Variants in USH2A observed in about 807,000 individuals in gnomAD.
The protein encoded by USH2A is usherin.
USH2A carries 443 observed loss-of-function variants against 538.9 expected under a neutral mutation model. The ratio of observed to expected loss-of-function variants is 0.82; its 90% confidence interval spans 0.76 to 0.89. USH2A has a LOEUF of 0.89. Among genes scored for constraint, USH2A ranks in the 40% least tolerant of loss-of-function variants. The pLI is 0.00. For missense variants in USH2A, 6,633 were observed against 6,324.8 expected (o/e 1.05, Z -1.65); for synonymous variants, 2,413 against 2,273.5 (o/e 1.06, Z -1.75).
At chr1:216,398,790 A>G (rs1236189469) in intron 3 of USH2A, among the ~76,000 whole-genome samples, 1 of 152,182 alleles carries the variant, frequency 6.6e-6, no homozygotes, top group Non-Finnish European at 1.5e-5. Flanking sequence ...CCAATAAACC[A>G]AACAGAGAGC....
At position 215,650,631 on chromosome 1, in the gene USH2A, G is replaced by T; in HGVS notation, c.14304C>A (p.Tyr4768Ter). Reference protein sequence around the residue: ...PGKPNGIVSLYRLFSSSAHGA... With the variant: ...PGKPNGIVSL ...CATGGGCGCTGCTGGAGAACAGCCTGTAGAGACTGACGATCCCGTTGGGCT... is the reference window on the plus strand; with the variant it reads ...CATGGGCGCTGCTGGAGAACAGCCTTTAGAGACTGACGATCCCGTTGGGCT... The change falls in exon 65 of 72, where the codon TAC becomes TAA. Residue 4768 changes from tyrosine (Y) to a stop codon, truncating the protein, a stop_gained. Transcript: ENST00000307340. LOFTEE classifies it high-confidence loss of function. 6.2e-7 allele frequency: 1 copy of T among 1,614,188 alleles called. No homozygotes were observed. The highest frequency in any genetic ancestry group is 1.3e-5 in the African/African-American group (1 of 75,052).
chr1:216,358,481 A>C (rs2102700194), intron 4 of USH2A, among the ~76,000 whole-genome samples: 1 of 152,268 alleles, frequency 6.6e-6, no homozygotes, highest in South Asian at 2.1e-4. Flanking sequence ...TTTTGATTAA[A>C]AAAAGGAGCA....
At chr1:215,904,203 A>G (rs1305706355) in intron 38 of USH2A, among the ~76,000 whole-genome samples, 2 of 152,096 alleles carry the variant, frequency 1.3e-5, no homozygotes, top group African/African-American at 4.8e-5. Flanking sequence ...ATTAGCCCTG[A>G]AAAAATTAGT....
intron 9 of USH2A, among the ~76,000 whole-genome samples, chr1:216,295,214 T>C (rs1301453589): frequency 1.3e-5 from 2 of 151,742 alleles, no homozygotes; most frequent in African/African-American, 4.8e-5. Context: ...TGTAAAAAAA[T>C]AAAAAAATAT....
chr1:216,189,937 T>A (rs572480810), intron 20 of USH2A, among the ~76,000 whole-genome samples: 2 of 152,124 alleles, frequency 1.3e-5, no homozygotes, highest in Non-Finnish European at 2.9e-5. Context: ...TATATATTTG[T>A]ATATGTTTCT....
intron 19 of USH2A, among the ~76,000 whole-genome samples, chr1:216,191,129 T>A (rs1296098908): frequency 6.6e-6 from 1 of 152,038 alleles, no homozygotes; most frequent in Non-Finnish European, 1.5e-5. Flanking sequence ...CATGTAAATT[T>A]GTTTAGGTTG....
At chr1:215,648,795 G>T in intron 65 of USH2A, 29 bp from the exon 66 acceptor site, 1 of 1,597,778 alleles carries the variant, frequency 6.3e-7, no homozygotes, top group Non-Finnish European at 8.6e-7. Context: ...CTAGATAAAG[G>T]CAGTGTCAAA....
At chr1:216,050,560 T>TCTTTC (rs2030717766) in intron 30 of USH2A, among the ~76,000 whole-genome samples, 9 of 35,694 alleles carry the variant, frequency 2.5e-4, no homozygotes, top group African/African-American at 6.7e-4. Context: ...ATTTGTATCT[T>TCTTTC]TTTCTTTCTT....
chr1:215,831,924 G>C (rs73090725), intron 47 of USH2A, among the ~76,000 whole-genome samples: 6,104 of 151,930 alleles, frequency 0.04, 181 homozygotes, highest in East Asian at 0.15. Context: ...AGGCTGAACA[G>C]AAAAACGGGG....
chr1:215,937,270 C>A (rs1410362464), intron 37 of USH2A, among the ~76,000 whole-genome samples: 1 of 152,036 alleles, frequency 6.6e-6, no homozygotes, highest in Non-Finnish European at 1.5e-5. Flanking sequence ...TAATGCACTC[C>A]TCTATATGTG....
intron 13 of USH2A, among the ~76,000 whole-genome samples, chr1:216,236,434 T>A (rs1013836202): frequency 2.6e-5 from 4 of 152,200 alleles, no homozygotes; most frequent in Non-Finnish European, 5.9e-5. Flanking sequence ...TAAATCACAA[T>A]GTCTTAGTAT....
At chr1:215,719,362 CAAAA>C (rs375176415) in intron 61 of USH2A, among the ~76,000 whole-genome samples, 2,647 of 74,608 alleles carry the variant, frequency 0.035, 44 homozygotes, top group African/African-American at 0.12. Flanking sequence ...CCTCAGGAGA[CAAAA>C]AAAAAAAAAA....
At chr1:216,249,386 A>G (rs188820835) in intron 12 of USH2A, among the ~76,000 whole-genome samples, 1 of 152,126 alleles carries the variant, frequency 6.6e-6, no homozygotes, top group Admixed American at 6.6e-5. Flanking sequence ...CACAAGAAAG[A>G]TTCCATTGAT....
intron 56 of USH2A, among the ~76,000 whole-genome samples, chr1:215,761,099 A>G (rs2102743471): frequency 6.6e-6 from 1 of 152,250 alleles, no homozygotes; most frequent in East Asian, 1.9e-4. Context: ...TTCTATCCCT[A>G]GAATGCTTCT....
chr1:216,013,340 G>A (rs1024915337), intron 32 of USH2A, among the ~76,000 whole-genome samples: 15 of 150,848 alleles, frequency 9.9e-5, no homozygotes, highest in African/African-American at 3.7e-4. Context: ...AATCCCGCTC[G>A]AAGCAGCCCT....
chr1:215,907,956 A>G (rs1665681814), intron 38 of USH2A, among the ~76,000 whole-genome samples: 1 of 152,044 alleles, frequency 6.6e-6, no homozygotes, highest in Non-Finnish European at 1.5e-5. Flanking sequence ...AGAATCCCGA[A>G]CATATTTTCT....
chr1:216,354,743 A>G (rs2038349583), intron 4 of USH2A, among the ~76,000 whole-genome samples: 1 of 152,134 alleles, frequency 6.6e-6, no homozygotes. Flanking sequence ...AACTGTACCC[A>G]ATATCTATGG....
chr1:216,324,049 A>C, intron 7 of USH2A, 119 bp downstream of exon 7: 2 of 1,119,078 alleles, frequency 1.8e-6, no homozygotes, highest in East Asian at 2.6e-5. Context: ...ACTTAGGAGA[A>C]TCTGCCTCAA....
At position 215,689,225 on chromosome 1, in the gene USH2A, A is replaced by T. The variant is rs531070848; in HGVS notation, c.12067-8849T>A. 3.3e-5 allele frequency among the ~76,000 whole-genome samples: 5 copies of T among 152,340 alleles called. No homozygotes were observed. In the East Asian group the frequency reaches 9.6e-4, roughly 29 times the overall value. On this transcript the variant is annotated intron_variant, in intron 61 of 71. Coordinates refer to ENST00000307340, the MANE Select transcript of USH2A (RefSeq NM_206933.4). ...CCAATGAAACTATAGTTTTGGGAAG[A>T]GACTGAATTAGGAATACACATTTGA... is the stretch of plus-strand genomic sequence containing the variant.
Sources: allele counts gnomAD v4.1 joint callset (sites outside exome capture counted in the v4.1 genomes callset), GRCh38; gene constraint gnomAD v4.1.1; transcripts MANE v1.5; gene names NCBI Gene and HGNC (gene_info 2026-07-23, HGNC 2026-07-21).